CSMD1: variants seen among roughly 807,000 people sequenced by gnomAD.
CSMD1 encodes the protein CUB and sushi domain-containing protein 1.
CSMD1 carries 213 observed loss-of-function variants against 417.5 expected under a neutral mutation model. The observed-to-expected ratio is 0.51, with a 90% CI of 0.46 to 0.57. The LOEUF (loss-of-function observed/expected upper bound fraction) is 0.57. Ranked by LOEUF, CSMD1 falls within the 20% of genes least tolerant of loss-of-function variation. The pLI, the probability that CSMD1 is intolerant of heterozygous loss-of-function variation, is 0.00. For synonymous variants in CSMD1, 2,862 were observed against 1,736.8 expected, an observed-to-expected ratio of 1.65 and a Z score of -16.11; for missense variants, 6,923 against 4,529.7, an observed-to-expected ratio of 1.53 and a Z score of -15.17.
intron 5 of CSMD1, among the ~76,000 whole-genome samples, chr8:3,947,415 C>T (rs552811407): frequency 7.2e-5 from 11 of 152,156 alleles, no homozygotes; most frequent in African/African-American, 2.4e-4. Context: ...TTATAAATCA[C>T]TGGATCTTAT....
chr8:4,443,069 T>C (rs1458517970), intron 2 of CSMD1, among the ~76,000 whole-genome samples: 1 of 152,136 alleles, frequency 6.6e-6, no homozygotes, highest in African/African-American at 2.4e-5. Context: ...TTGAGAAGAG[T>C]CAGAGGTGGT....
intron 3 of CSMD1, among the ~76,000 whole-genome samples, chr8:4,274,697 G>C (rs1043890747): frequency 1.3e-5 from 2 of 152,046 alleles, no homozygotes; most frequent in African/African-American, 4.8e-5. Flanking sequence ...AAGTGCATCA[G>C]GTGCAAAGTC....
chr8:3,801,430 A>G (rs190021563), intron 5 of CSMD1, among the ~76,000 whole-genome samples: 5 of 152,246 alleles, frequency 3.3e-5, no homozygotes, highest in African/African-American at 1.2e-4. Context: ...ATGAGATACC[A>G]TTTCATACCC....
chr8:4,498,032 T>G (rs190297397), intron 2 of CSMD1, among the ~76,000 whole-genome samples: 224 of 152,258 alleles, frequency 1.5e-3, no homozygotes, highest in African/African-American at 5.0e-3. Context: ...GGCTTCATTG[T>G]CATCTGCTGG....
chr8:4,376,656 G>C (rs888894450), intron 3 of CSMD1, among the ~76,000 whole-genome samples: 1 of 152,206 alleles, frequency 6.6e-6, no homozygotes, highest in South Asian at 2.1e-4. Flanking sequence ...TTCTATAGCC[G>C]TGCTCATATC....
intron 5 of CSMD1, among the ~76,000 whole-genome samples, chr8:3,902,403 G>T (rs1360584672): frequency 6.6e-6 from 1 of 152,056 alleles, no homozygotes; most frequent in Non-Finnish European, 1.5e-5. Flanking sequence ...TCTTCCTAAG[G>T]CAGCAGTCCC....
At chr8:3,866,762 T>C (rs10104788) in intron 5 of CSMD1, among the ~76,000 whole-genome samples, 7,074 of 152,158 alleles carry the variant, frequency 0.046, 351 homozygotes, top group African/African-American at 0.13. Flanking sequence ...TACAAACATA[T>C]GCAAAGTGAG....
chr8:4,368,316 T>G (rs1219964451), intron 3 of CSMD1, among the ~76,000 whole-genome samples: 2 of 152,172 alleles, frequency 1.3e-5, no homozygotes, highest in African/African-American at 4.8e-5. Context: ...TTAAACCAAC[T>G]TTAGATCACA....
chr8:3,308,468 G>A lies in CSMD1; in HGVS notation c.3667C>T (p.Pro1223Ser), dbSNP rs1243577739. ...DLVKCEDPGI[P>S]NYGYRIRDEG... The stretch of plus-strand genomic sequence containing the variant: ...TCACGGATCCTATAGCCGTAGTTAG[G>A]GATGCCCGGATCCTCACATTTTACC... Residue 1223 changes from proline to serine, a missense_variant, in exon 24 of 70, where the codon CCT becomes TCT. Pro to Ser is a moderately conservative substitution (Grantham distance 74). Transcript: ENST00000635120. 6.2e-7 allele frequency: 1 copy of A among 1,613,382 alleles called. No individual in the cohort carries two copies. The highest frequency in any genetic ancestry group is 8.5e-7 in the Non-Finnish European group (1 of 1,179,538).
intron 5 of CSMD1, among the ~76,000 whole-genome samples, chr8:3,807,669 C>G: frequency 6.6e-6 from 1 of 152,264 alleles, no homozygotes; most frequent in East Asian, 1.9e-4. Context: ...ACCTACACAT[C>G]TCTATATAAT....
chr8:3,900,829 C>T (rs574068495), intron 5 of CSMD1, among the ~76,000 whole-genome samples: 2 of 152,342 alleles, frequency 1.3e-5, no homozygotes, highest in East Asian at 3.9e-4. Context: ...TGTTCCAGAG[C>T]TTGCTCTTCT....
intron 1 of CSMD1, among the ~76,000 whole-genome samples, chr8:4,872,625 G>A (rs1227500043): frequency 6.6e-6 from 1 of 152,064 alleles, no homozygotes; most frequent in African/African-American, 2.4e-5. Context: ...GTTCTTTACA[G>A]TGGTATGAAA....
At chr8:3,082,009 A>G (rs1814137522) in intron 49 of CSMD1, among the ~76,000 whole-genome samples, 1 of 152,064 alleles carries the variant, frequency 6.6e-6, no homozygotes, top group African/African-American at 2.4e-5. Flanking sequence ...ACTCCCAGCA[A>G]TCATGTCCCC....
At chr8:4,282,290 G>C (rs1585153117) in intron 3 of CSMD1, among the ~76,000 whole-genome samples, 1 of 152,266 alleles carries the variant, frequency 6.6e-6, no homozygotes, top group East Asian at 1.9e-4. Flanking sequence ...AGATAGAACT[G>C]ATGAAGCTCA....
At chr8:4,066,803 C>G (rs999060924) in intron 3 of CSMD1, among the ~76,000 whole-genome samples, 14 of 152,192 alleles carry the variant, frequency 9.2e-5, no homozygotes, top group Admixed American at 9.2e-4. Context: ...TCTGCCTGTG[C>G]TCCAAAAGCG....
At chr8:4,127,692 G>A (rs1802848785) in intron 3 of CSMD1, among the ~76,000 whole-genome samples, 1 of 151,984 alleles carries the variant, frequency 6.6e-6, no homozygotes, top group African/African-American at 2.4e-5. Flanking sequence ...TAAATAATAG[G>A]CAGTCATGAT....
chr8:4,702,151 T>A (rs1807599827), intron 1 of CSMD1, among the ~76,000 whole-genome samples: 2 of 152,152 alleles, frequency 1.3e-5, no homozygotes, highest in Admixed American at 1.3e-4. Context: ...AAATAGCTAA[T>A]GAATGCTGGG....
At chr8:4,651,714 C>G (rs1803908814) in intron 1 of CSMD1, among the ~76,000 whole-genome samples, 1 of 152,166 alleles carries the variant, frequency 6.6e-6, no homozygotes. Flanking sequence ...CAACATGACA[C>G]TCTAATTCAC....
chr8:3,146,987 C>T, intron 40 of CSMD1, among the ~76,000 whole-genome samples: 1 of 152,116 alleles, frequency 6.6e-6, no homozygotes, highest in Admixed American at 6.6e-5. Flanking sequence ...AGGTGAAAAA[C>T]ATCCCATATA....
Sources: gnomAD v4.1 joint callset for allele counts (sites outside exome capture counted in the v4.1 genomes callset) on GRCh38, gnomAD v4.1.1 for gene constraint, MANE v1.5 for transcripts, NCBI Gene and HGNC (gene_info 2026-07-23, HGNC 2026-07-21) for gene names.